Variants in STMN2 observed in about 807,000 individuals in gnomAD.
STMN2 encodes the protein stathmin 2, also known as stathmin-2.
In STMN2, 2 loss-of-function variants were observed where a neutral mutation model predicts 24.1. The ratio of observed to expected loss-of-function variants is 0.08; its 90% CI spans 0.03 to 0.26. The LOEUF (loss-of-function observed/expected upper bound fraction) is 0.26. Among genes scored for constraint, STMN2 ranks in the 10% least tolerant of loss-of-function variants. The probability of loss-of-function intolerance (pLI) is 1.00; values close to 1 mark genes in which losing one functional copy is unlikely to be tolerated. For synonymous variants in STMN2, 83 were observed against 77.5 expected (o/e 1.07, Z -0.37); for missense variants, 114 against 213.6 (o/e 0.53, Z 2.91).
intron 1 of STMN2, among the ~76,000 whole-genome samples, chr8:79,614,990 C>T (rs1462104776): frequency 1.3e-5 from 2 of 152,176 alleles, no homozygotes; most frequent in African/African-American, 4.8e-5. Flanking sequence ...TACTCAGATT[C>T]AGGAAATGTC....
intron 1 of STMN2, among the ~76,000 whole-genome samples, chr8:79,634,680 A>G (rs977513561): frequency 6.6e-6 from 1 of 152,218 alleles, no homozygotes; most frequent in African/African-American, 2.4e-5. Flanking sequence ...CTGTGGGGCT[A>G]TATCCTCATT....
intron 2 of STMN2, among the ~76,000 whole-genome samples, chr8:79,640,909 G>T (rs115552329): frequency 4.1e-4 from 62 of 152,170 alleles, no homozygotes; most frequent in African/African-American, 1.5e-3. Flanking sequence ...GCATATATAC[G>T]CATATCTAGA....
At chr8:79,662,785 G>A (rs1483615268) in intron 4 of STMN2, among the ~76,000 whole-genome samples, 2 of 152,038 alleles carry the variant, frequency 1.3e-5, no homozygotes, top group Admixed American at 6.6e-5. Flanking sequence ...TTCCTGCTAT[G>A]TTATCAGTTT....
Position 79,665,768 on chromosome 8 carries a change from A to G in STMN2, c.*894A>G, listed in dbSNP as rs1463166982. On this transcript the variant is annotated 3_prime_UTR_variant, in exon 5 of 5. Coordinates refer to ENST00000220876, the MANE Select transcript of STMN2 (RefSeq NM_007029.4). ...AAGCTCTTACCTATAGTACAAGTAC[A>G]TGATGCTACTGAATATTTTTCCACT... 6.5e-6 allele frequency: 1 copy of G among 153,572 alleles called. No homozygotes were observed. The highest frequency in any genetic ancestry group is 1.5e-5 in the Non-Finnish European group (1 of 68,218). The allele number at this position is 153,572 out of a possible 1,614,324, so 9.5% of individuals were successfully genotyped here.
chr8:79,645,710 A>G (rs1190153104), intron 3 of STMN2, among the ~76,000 whole-genome samples: 1 of 129,284 alleles, frequency 7.7e-6, no homozygotes, highest in Non-Finnish European at 1.9e-5. Flanking sequence ...AGGATCTTCT[A>G]AATCTCATGC....
chr8:79,613,540 C>T (rs1459100923), intron 1 of STMN2: 69 of 985,386 alleles, frequency 7.0e-5, no homozygotes, highest in Middle Eastern at 5.2e-4. Flanking sequence ...GCTTTCTGCA[C>T]CCCTCAGAAA....
chr8:79,657,671 T>G (rs1806407166), intron 4 of STMN2, among the ~76,000 whole-genome samples: 1 of 152,220 alleles, frequency 6.6e-6, no homozygotes, highest in African/African-American at 2.4e-5. Flanking sequence ...TTTTCAAATC[T>G]AATAGGATCT....
At chr8:79,656,742 G>A (rs1806381229) in intron 4 of STMN2, among the ~76,000 whole-genome samples, 1 of 152,184 alleles carries the variant, frequency 6.6e-6, no homozygotes, top group African/African-American at 2.4e-5. Context: ...GAAGTTGCTA[G>A]GAACGGTACC....
intron 3 of STMN2, among the ~76,000 whole-genome samples, chr8:79,641,959 C>A (rs1264684315): frequency 2.0e-5 from 3 of 152,010 alleles, no homozygotes; most frequent in Non-Finnish European, 4.4e-5. Context: ...AGAAGTGCTG[C>A]TTCCTCCCTC....
chr8:79,628,758 T>G (rs913866480), intron 1 of STMN2, among the ~76,000 whole-genome samples: 1 of 152,112 alleles, frequency 6.6e-6, no homozygotes, highest in African/African-American at 2.4e-5. Context: ...GGAGCTTTCA[T>G]TTCAAAATAT....
intron 3 of STMN2, among the ~76,000 whole-genome samples, chr8:79,643,170 A>ATATATATAT (rs1349404706): frequency 1.0e-5 from 1 of 97,808 alleles, no homozygotes; most frequent in Non-Finnish European, 2.4e-5. Context: ...TATATATATA[A>ATATATATAT]AATACTAGTT....
intron 4 of STMN2, among the ~76,000 whole-genome samples, chr8:79,656,026 T>C (rs541272609): frequency 6.6e-6 from 1 of 152,328 alleles, no homozygotes; most frequent in East Asian, 1.9e-4. Flanking sequence ...CAGAGTTTCA[T>C]GTCTTCTGTT....
intron 1 of STMN2, among the ~76,000 whole-genome samples, chr8:79,623,105 AC>A (rs1809557028): frequency 6.6e-6 from 1 of 152,118 alleles, no homozygotes. Context: ...CCTCTTCTCC[AC>A]CCATTAGTGG....
At chr8:79,620,143 C>T (rs1228992198) in intron 1 of STMN2, among the ~76,000 whole-genome samples, 42 of 147,628 alleles carry the variant, frequency 2.8e-4, no homozygotes, top group Non-Finnish European at 5.8e-4. Flanking sequence ...GAGGCAGACT[C>T]GGAACACAGG....
intron 1 of STMN2, among the ~76,000 whole-genome samples, chr8:79,623,594 C>A (rs1329025050): frequency 3.5e-4 from 54 of 152,144 alleles, no homozygotes; most frequent in Non-Finnish European, 1.9e-4. Context: ...TGATGATAAT[C>A]TGCATATAAA....
chr8:79,642,364 A>G (rs548633970), intron 3 of STMN2, among the ~76,000 whole-genome samples: 92 of 152,326 alleles, frequency 6.0e-4, no homozygotes, highest in African/African-American at 2.1e-3. Context: ...TGTCTGTTCC[A>G]ACCATGTGGT....
At chr8:79,611,280 G>A in intron 1 of STMN2, 66 bp downstream of exon 1, 1 of 1,590,004 alleles carries the variant, frequency 6.3e-7, no homozygotes, top group Non-Finnish European at 8.6e-7. Context: ...CCTCTCTTGA[G>A]CTCTAGAAGC....
intron 1 of STMN2, among the ~76,000 whole-genome samples, chr8:79,630,287 G>GTGATAAAA (rs1809767910): frequency 6.6e-6 from 1 of 152,098 alleles, no homozygotes; most frequent in African/African-American, 2.4e-5. Flanking sequence ...ATTTTGCAGT[G>GTGATAAAA]TGATAAAAGT....
intron 1 of STMN2, among the ~76,000 whole-genome samples, chr8:79,618,229 G>A (rs1809428368): frequency 6.6e-6 from 1 of 152,132 alleles, no homozygotes; most frequent in Non-Finnish European, 1.5e-5. Context: ...AGCTTACCTG[G>A]GGCTTATTCA....
Sources: allele counts gnomAD v4.1 joint callset (sites outside exome capture counted in the v4.1 genomes callset), GRCh38; gene constraint gnomAD v4.1.1; transcripts MANE v1.5; gene names NCBI Gene and HGNC (gene_info 2026-07-23, HGNC 2026-07-21).